SLC35F4: variants seen among roughly 807,000 people sequenced by gnomAD.
SLC35F4 encodes solute carrier family 35 member F4, also known as chromosome 14 open reading frame 36.
Under a neutral mutation model 44.2 loss-of-function variants are expected in SLC35F4, and 24 were observed. The observed-to-expected ratio is 0.54, with a 90% confidence interval of 0.39 to 0.76. The LOEUF (loss-of-function observed/expected upper bound fraction) is 0.76. SLC35F4 is among the 30% of genes least tolerant of loss of function. The pLI is 0.00. For synonymous variants in SLC35F4, 238 were observed against 223.6 expected (o/e 1.06, Z -0.57); for missense variants, 562 against 586.1 (o/e 0.96, Z 0.42).
At chr14:57,915,642 A>G (rs1889312596) in intron 1 of SLC35F4, among the ~76,000 whole-genome samples, 1 of 150,086 alleles carries the variant, frequency 6.7e-6, no homozygotes, top group Non-Finnish European at 1.5e-5. Flanking sequence ...GCATGGACAC[A>G]TTTCAGCCAC....
At chr14:57,582,298 C>T (rs1235158241) in intron 3 of SLC35F4, among the ~76,000 whole-genome samples, 3 of 152,108 alleles carry the variant, frequency 2.0e-5, no homozygotes, top group Non-Finnish European at 4.4e-5. Flanking sequence ...CAGACTCGAG[C>T]CATCCTCACA....
intron 1 of SLC35F4, among the ~76,000 whole-genome samples, chr14:57,634,465 C>T (rs377660689): frequency 1.3e-5 from 2 of 151,970 alleles, no homozygotes; most frequent in African/African-American, 2.4e-5. Context: ...GTGGGAGTGA[C>T]GTTTGAACTG....
intron 6 of SLC35F4, among the ~76,000 whole-genome samples, chr14:57,568,968 C>G (rs1269911110): frequency 6.6e-6 from 1 of 152,120 alleles, no homozygotes; most frequent in Non-Finnish European, 1.5e-5. Context: ...TATTATTTTT[C>G]AGGCTCCTCT....
chr14:57,706,841 A>T (rs1299312323), intron 1 of SLC35F4, among the ~76,000 whole-genome samples: 1 of 152,206 alleles, frequency 6.6e-6, no homozygotes, highest in East Asian at 1.9e-4. Context: ...TTTGCAACCA[A>T]GTCAAGAATG....
At chr14:57,960,628 G>C (rs1414228277) in intron 1 of SLC35F4, among the ~76,000 whole-genome samples, 1 of 152,148 alleles carries the variant, frequency 6.6e-6, no homozygotes, top group Admixed American at 6.5e-5. Context: ...AGTTAGAAAA[G>C]GATCAAAGAC....
In SLC35F4 at chr14:57,614,450, C is replaced by T. The variant is rs139560379; in HGVS notation, c.104-20326G>A. Among the ~76,000 whole-genome samples, 288 of 152,232 alleles carry T rather than the reference C, an allele frequency of 1.9e-3. 1 individual carries two copies. Among genetic ancestry groups the T allele is most frequent in the African/African-American group, 5.9e-3 (246 of 41,534 alleles). ...AGGTAACCCATTAGCATCAATCTTT[C>T]GTTATCAACAATGACAAATATTTCT... On this transcript the variant is annotated intron_variant, in intron 1 of 7. Coordinates refer to ENST00000556826, the MANE Select transcript of SLC35F4 (RefSeq NM_001306087.2).
chr14:57,697,824 C>A (rs1265943702), intron 1 of SLC35F4, among the ~76,000 whole-genome samples: 1 of 152,128 alleles, frequency 6.6e-6, no homozygotes, highest in Non-Finnish European at 1.5e-5. Flanking sequence ...TACAGACATA[C>A]ATGTGTATGG....
intron 1 of SLC35F4, among the ~76,000 whole-genome samples, chr14:57,950,672 TTTC>T (rs1303647230): frequency 1.7e-5 from 2 of 118,376 alleles, no homozygotes; most frequent in Non-Finnish European, 3.4e-5. Flanking sequence ...CTTTTCTTTC[TTTC>T]TTTTTTTTTT....
At chr14:57,721,859 AAC>A (rs2076093402) in intron 1 of SLC35F4, among the ~76,000 whole-genome samples, 1 of 152,086 alleles carries the variant, frequency 6.6e-6, no homozygotes, top group African/African-American at 2.4e-5. Flanking sequence ...TGAGGAGATA[AAC>A]CCTGTGTCTC....
upstream of SLC35F4, among the ~76,000 whole-genome samples, chr14:57,869,900 A>G (rs374517395): frequency 4.6e-5 from 7 of 152,124 alleles, no homozygotes; most frequent in South Asian, 1.4e-3. Context: ...TTCTGTTTCA[A>G]TAGTAGGCAA....
At chr14:57,751,744 G>A (rs999180819) in intron 1 of SLC35F4, among the ~76,000 whole-genome samples, 3 of 152,096 alleles carry the variant, frequency 2.0e-5, no homozygotes, top group African/African-American at 7.2e-5. Context: ...AAAAATTATG[G>A]TGGCTATGTT....
intron 1 of SLC35F4, among the ~76,000 whole-genome samples, chr14:57,708,204 T>G (rs898222919): frequency 1.3e-5 from 2 of 152,154 alleles, no homozygotes; most frequent in Non-Finnish European, 2.9e-5. Flanking sequence ...GTGATCTGGC[T>G]CAACCAGTTC....
At chr14:57,636,131 T>G (rs539709824) in intron 1 of SLC35F4, among the ~76,000 whole-genome samples, 2 of 152,220 alleles carry the variant, frequency 1.3e-5, no homozygotes, top group African/African-American at 4.8e-5. Flanking sequence ...ATGGAGACAT[T>G]AAGACAGCAG....
intron 1 of SLC35F4, among the ~76,000 whole-genome samples, chr14:57,860,332 C>T (rs967405759): frequency 1.3e-5 from 2 of 152,178 alleles, no homozygotes; most frequent in Non-Finnish European, 2.9e-5. Flanking sequence ...TACAAAGGCA[C>T]AAAACAAAGA....
intron 4 of SLC35F4, chr14:57,578,614 T>C (rs1056822096): frequency 2.0e-5 from 3 of 152,128 alleles, no homozygotes; most frequent in Non-Finnish European, 4.4e-5. Flanking sequence ...AAATTACACG[T>C]TACCATTCTT....
chr14:57,848,597 T>A (rs1566902288), intron 1 of SLC35F4, among the ~76,000 whole-genome samples: 1 of 152,226 alleles, frequency 6.6e-6, no homozygotes, highest in Non-Finnish European at 1.5e-5. Context: ...TGATTCTCCA[T>A]GAGTCTTTCC....
chr14:57,692,536 A>G (rs1016328812), intron 1 of SLC35F4, among the ~76,000 whole-genome samples: 3 of 152,154 alleles, frequency 2.0e-5, no homozygotes, highest in African/African-American at 7.2e-5. Flanking sequence ...GCTCTAAGGA[A>G]TTAAATAACA....
At chr14:57,948,816 A>G (rs940776222) in intron 1 of SLC35F4, among the ~76,000 whole-genome samples, 6 of 152,126 alleles carry the variant, frequency 3.9e-5, no homozygotes, top group African/African-American at 1.4e-4. Context: ...AGAGCAAATT[A>G]TTTAATTTCC....
chr14:57,600,683 C>T (rs2070765214), intron 1 of SLC35F4, among the ~76,000 whole-genome samples: 1 of 53,744 alleles, frequency 1.9e-5, no homozygotes, highest in Non-Finnish European at 3.6e-5. Flanking sequence ...CAGAGCAAGA[C>T]TCCATCTCAA....
Sources: gnomAD v4.1 joint callset for allele counts (sites outside exome capture counted in the v4.1 genomes callset) on GRCh38, gnomAD v4.1.1 for gene constraint, MANE v1.5 for transcripts, NCBI Gene and HGNC (gene_info 2026-07-23, HGNC 2026-07-21) for gene names.